VPS37A: variants seen among roughly 807,000 people sequenced by gnomAD.
VPS37A encodes vacuolar protein sorting-associated protein 37A.
In VPS37A, 30 loss-of-function variants were observed where a neutral mutation model predicts 49.8. That is an observed-to-expected ratio of 0.60 (90% CI 0.45 to 0.82). The LOEUF (loss-of-function observed/expected upper bound fraction) is 0.82, where lower values mean the gene tolerates loss of function less well. VPS37A is among the 40% of genes least tolerant of loss of function. The pLI, the probability that VPS37A is intolerant of heterozygous loss-of-function variation, is 0.00. For synonymous variants in VPS37A, 195 were observed against 160.6 expected (o/e 1.21, Z -1.62); for missense variants, 593 against 464.4 (o/e 1.28, Z -2.55).
At chr8:17,263,157 A>G (rs1813119711) in intron 1 of VPS37A, among the ~76,000 whole-genome samples, 1 of 152,150 alleles carries the variant, frequency 6.6e-6, no homozygotes, top group Admixed American at 6.5e-5. Flanking sequence ...ATTGATGTAC[A>G]GTGTAATTAT....
chr8:17,252,659 C>G (rs1170075392), intron 1 of VPS37A, among the ~76,000 whole-genome samples: 1 of 152,178 alleles, frequency 6.6e-6, no homozygotes, highest in Non-Finnish European at 1.5e-5. Flanking sequence ...TAGCTGTCTG[C>G]TTTGCTGGGC....
rs566856769 is a variant in VPS37A at position 17,256,665 on chromosome 8, T to C, written c.126-9242T>C. 4.8e-5 allele frequency among the ~76,000 whole-genome samples: 7 copies of C among 144,534 alleles called. No individual in the cohort carries two copies. The South Asian group carries it at 1.5e-3, about 32-fold the overall frequency. The allele number at this position is 144,534 out of a possible 152,430, so 94.8% of individuals were successfully genotyped here. A position where few individuals can be genotyped will look rare whatever the true frequency, so the allele number is the denominator to read the frequency against. Reference sequence around the variant, plus strand: ...TTATTTATTTATTTATTTATTTATTTATTGGAAATGGAGTTTCACTTTTGT... The same window carrying C: ...TTATTTATTTATTTATTTATTTATTCATTGGAAATGGAGTTTCACTTTTGT... On this transcript the variant is annotated intron_variant, in intron 1 of 11. Coordinates refer to ENST00000324849, the MANE Select transcript of VPS37A (RefSeq NM_152415.3).
At chr8:17,251,825 G>A (rs766042632) in intron 1 of VPS37A, among the ~76,000 whole-genome samples, 2 of 152,180 alleles carry the variant, frequency 1.3e-5, no homozygotes, top group Middle Eastern at 3.4e-3. Flanking sequence ...TGCGGATTCC[G>A]TTGTTCTGAT....
chr8:17,270,230 C>T (rs979672363), intron 4 of VPS37A, among the ~76,000 whole-genome samples: 1 of 152,134 alleles, frequency 6.6e-6, no homozygotes, highest in South Asian at 2.1e-4. Flanking sequence ...AAGGGGAAAA[C>T]ATCCAAACTA....
downstream of VPS37A, chr8:17,302,244 C>G (rs1293994007): frequency 1.2e-6 from 2 of 1,613,930 alleles, no homozygotes; most frequent in Non-Finnish European, 8.5e-7. Flanking sequence ...GGGGCTGCAT[C>G]CCCTTTTCAA....
At chr8:17,253,754 G>A (rs1812185789) in intron 1 of VPS37A, among the ~76,000 whole-genome samples, 1 of 152,112 alleles carries the variant, frequency 6.6e-6, no homozygotes, top group South Asian at 2.1e-4. Flanking sequence ...ATTATCATGT[G>A]TTCTATTAAA....
the VPS37A span, among the ~76,000 whole-genome samples, chr8:17,308,291 A>G: frequency 1.3e-5 from 2 of 152,258 alleles, no homozygotes; most frequent in South Asian, 4.1e-4. Context: ...TGGAGATCCT[A>G]ACTGCCTAGC....
At position 17,280,450 on chromosome 8, in the gene VPS37A, CTGTTT is replaced by C; in HGVS notation, c.969+8_969+12del. The C allele has an allele frequency of 1.9e-6, 3 of 1,586,370 alleles. No homozygotes were observed. ...GCAGCATGAACTTAGTGAGGTAAGA[CTGTTT>C]ATTTTTTTCCCTTTGCCATAGATTT... On this transcript the variant is annotated splice_region_variant and intron_variant, in intron 9 of 11. Transcript: ENST00000324849.
intron 6 of VPS37A, among the ~76,000 whole-genome samples, chr8:17,278,425 A>T (rs142452822): frequency 6.6e-6 from 1 of 152,202 alleles, no homozygotes; most frequent in Non-Finnish European, 1.5e-5. Flanking sequence ...TTCATACAGG[A>T]CCAAGAAAAA....
intron 1 of VPS37A, among the ~76,000 whole-genome samples, chr8:17,248,631 T>A (rs1290530969): frequency 2.0e-5 from 3 of 152,224 alleles, no homozygotes; most frequent in Non-Finnish European, 4.4e-5. Flanking sequence ...TATCCTCAGA[T>A]AATATCGAAT....
At chr8:17,284,332 T>G in intron 9 of VPS37A, 141 bp from the exon 10 acceptor site, 1 of 956,502 alleles carries the variant, frequency 1.0e-6, no homozygotes, top group Non-Finnish European at 1.5e-6. Context: ...TGGGGCATTA[T>G]AAGACAGCAG....
At position 17,280,654 on chromosome 8, in the gene VPS37A, C is replaced by G. The variant is rs533639302; in HGVS notation, c.969+211C>G. ...TATAAGAGCGTATTTGTTTCTAAAA[C>G]AGAAAATTATGACAGGCCCTGACAC... On this transcript the variant is annotated intron_variant, in intron 9 of 11. Coordinates refer to ENST00000324849, the MANE Select transcript of VPS37A (RefSeq NM_152415.3). Among the ~76,000 whole-genome samples, 6 of 151,916 alleles carry G rather than the reference C, an allele frequency of 3.9e-5. No homozygotes were observed. The South Asian group carries it at 1.2e-3, about 32-fold the overall frequency.
chr8:17,262,234 G>C (rs548078980), intron 1 of VPS37A, among the ~76,000 whole-genome samples: 1 of 152,064 alleles, frequency 6.6e-6, no homozygotes. Context: ...GATGTCGTTG[G>C]TGTTAATCTT....
the VPS37A span, among the ~76,000 whole-genome samples, chr8:17,314,855 A>G: frequency 6.6e-6 from 1 of 152,272 alleles, no homozygotes; most frequent in African/African-American, 2.4e-5. Flanking sequence ...TCAGAGCACT[A>G]CCTTTCTAAG....
chr8:17,299,914 T>A, downstream of VPS37A: 2 of 1,614,152 alleles, frequency 1.2e-6, no homozygotes, highest in Non-Finnish European at 1.7e-6. Context: ...GCCACTATCT[T>A]CACTCGGTGC....
chr8:17,283,300 T>A (rs750135559), intron 9 of VPS37A, among the ~76,000 whole-genome samples: 4 of 151,836 alleles, frequency 2.6e-5, no homozygotes, highest in Non-Finnish European at 5.9e-5. Context: ...AGGCTACAGG[T>A]GCATGCCACC....
rs1813718484 is a variant in VPS37A, at chr8:17,268,888, T to A, written c.348T>A (p.Ile116=). The A allele has an allele frequency of 1.2e-6, 2 of 1,610,004 alleles. No individual in the cohort carries two copies. Among genetic ancestry groups the A allele is most frequent in the Non-Finnish European group, 1.7e-6 (2 of 1,179,224 alleles). The stretch of plus-strand genomic sequence containing the variant: ...TGCACTCAGATCTTGGAAAAATTAT[T>A]CAGAGTCTGTTGGATGAGTTTTGGA... ...FTMHSDLGKI[I]QSLLDEFWKN... is the part of the protein sequence containing the mutation. The change falls in exon 4 of 12, where the codon ATT becomes ATA. Residue 116 remains isoleucine, a synonymous_variant. Transcript: ENST00000324849.
At chr8:17,300,028 G>C (rs775265942), downstream of VPS37A, 1 of 1,614,132 alleles carries the variant, frequency 6.2e-7, no homozygotes, top group Non-Finnish European at 8.5e-7. Flanking sequence ...ATTGTCTTGG[G>C]TTAGAATCAG....
the VPS37A span, among the ~76,000 whole-genome samples, chr8:17,328,400 G>C: frequency 6.6e-6 from 1 of 152,094 alleles, no homozygotes; most frequent in African/African-American, 2.4e-5. Context: ...ACTATTCCAG[G>C]CTCTTCTACG....
Sources: allele counts gnomAD v4.1 joint callset (sites outside exome capture counted in the v4.1 genomes callset), GRCh38; gene constraint gnomAD v4.1.1; transcripts MANE v1.5; gene names NCBI Gene and HGNC (gene_info 2026-07-23, HGNC 2026-07-21).